The following ASB7 variants were observed in gnomAD, a reference collection of about 807,000 sequenced individuals.
ASB7 encodes the protein ankyrin repeat and SOCS box containing 7.
A neutral mutation model predicts 32.5 loss-of-function variants in ASB7; 4 were observed. The observed-to-expected ratio is 0.12, with a 90% CI of 0.06 to 0.28. The LOEUF (loss-of-function observed/expected upper bound fraction) is 0.28, where lower values mean the gene tolerates loss of function less well. Ranked by LOEUF, ASB7 falls within the 10% of genes least tolerant of loss-of-function variation. ASB7 has a pLI of 1.00. For synonymous variants in ASB7, 172 were observed against 155.6 expected (o/e 1.11, Z -0.78); for missense variants, 181 against 407.1 (o/e 0.44, Z 4.78).
At chr15:100,645,496 C>G in intron 5 of ASB7, 1 of 608,742 alleles carries the variant, frequency 1.6e-6, no homozygotes, top group Admixed American at 2.0e-5. Context: ...CTGTGTCTGT[C>G]TAGTCTGCTC....
At chr15:100,645,311 T>C (rs1200547026) in intron 5 of ASB7, 21 of 208,426 alleles carry the variant, frequency 1.0e-4, no homozygotes, top group Non-Finnish European at 9.7e-6. Context: ...GGTGAAAACT[T>C]TATATAAACT....
chr15:100,607,010 G>A (rs946631060), intron 2 of ASB7, among the ~76,000 whole-genome samples: 3 of 152,026 alleles, frequency 2.0e-5, no homozygotes, highest in African/African-American at 4.8e-5. Context: ...TGAATTAGCC[G>A]GGTGTGGTGG....
chr15:100,608,885 G>A (rs576287076), intron 2 of ASB7, among the ~76,000 whole-genome samples: 84 of 152,274 alleles, frequency 5.5e-4, no homozygotes, highest in Non-Finnish European at 1.1e-3. Context: ...TACAACTGCT[G>A]CGGGCCAGGT....
chr15:100,632,394 T>G (rs2039890809), intron 5 of ASB7, among the ~76,000 whole-genome samples: 1 of 152,194 alleles, frequency 6.6e-6, no homozygotes, highest in African/African-American at 2.4e-5. Flanking sequence ...TCCAGTGGTG[T>G]TTCCTGCCAA....
intron 5 of ASB7, chr15:100,646,045 T>C: frequency 4.8e-6 from 2 of 415,168 alleles, no homozygotes; most frequent in Admixed American, 3.2e-5. Flanking sequence ...TAGCATCTTA[T>C]CTCAGGAGCC....
chr15:100,626,553 A>G (rs1382149779), intron 4 of ASB7, among the ~76,000 whole-genome samples: 1 of 152,184 alleles, frequency 6.6e-6, no homozygotes, highest in Non-Finnish European at 1.5e-5. Context: ...TGCATTTCAC[A>G]TACGACCCAG....
intron 5 of ASB7, among the ~76,000 whole-genome samples, chr15:100,647,462 T>C (rs1488018087): frequency 6.6e-6 from 1 of 152,262 alleles, no homozygotes; most frequent in Non-Finnish European, 1.5e-5. Flanking sequence ...AAAACTTCCT[T>C]GACTCCAAAC....
chr15:100,646,515 G>T (rs1009585427), intron 5 of ASB7: 1 of 445,726 alleles, frequency 2.2e-6, no homozygotes, highest in East Asian at 5.8e-5. Flanking sequence ...CATATTTGTG[G>T]AACTCATTTC....
intron 4 of ASB7, among the ~76,000 whole-genome samples, chr15:100,627,986 G>A (rs969661878): frequency 2.6e-5 from 4 of 152,200 alleles, no homozygotes; most frequent in Non-Finnish European, 5.9e-5. Context: ...TGCCTTACCA[G>A]CAGATGGCAG....
Position 100,603,213 on chromosome 15 carries a change from A to G in ASB7, c.-272-2A>G, listed in dbSNP as rs1179606713. 5.3e-6 allele frequency: 2 copies of G among 375,498 alleles called. No individual in the cohort carries two copies. The highest frequency in any genetic ancestry group is 9.2e-6 in the Non-Finnish European group (2 of 216,256). 23.3% of individuals were successfully genotyped at this position (375,498 alleles called of 1,614,324 possible). A position where few individuals can be genotyped will look rare whatever the true frequency, so the allele number is the denominator to read the frequency against. ...ACCACTCACTGGTTTCTGTTTTTCTAGGTTTGAGCTGGCTGAAGAAGACGC... is the reference window on the plus strand; with the variant it reads ...ACCACTCACTGGTTTCTGTTTTTCTGGGTTTGAGCTGGCTGAAGAAGACGC... On this transcript the variant is annotated splice_acceptor_variant, in intron 1 of 5. Coordinates refer to ENST00000332783, the MANE Select transcript of ASB7 (RefSeq NM_198243.3). LOFTEE classifies it low-confidence loss of function (5UTR_SPLICE).
In ASB7 at chr15:100,648,840, G is replaced by A. The variant is rs1323923865; in HGVS notation, c.*378G>A. The A allele has an allele frequency of 1.9e-5, 3 of 155,334 alleles. No individual in the cohort carries two copies. Among genetic ancestry groups the A allele is most frequent in the African/African-American group, 7.2e-5 (3 of 41,522 alleles). 9.6% of individuals were successfully genotyped at this position (155,334 alleles called of 1,614,324 possible). On this transcript the variant is annotated 3_prime_UTR_variant, in exon 6 of 6. Coordinates refer to ENST00000332783, the MANE Select transcript of ASB7 (RefSeq NM_198243.3). ...GTAAGCACGGTATTCTAAACCAGCA[G>A]AGCACTTGTTAACGTTTGGAGGCAC... is the stretch of plus-strand genomic sequence containing the variant.
rs1268518613 is a variant in ASB7, at chr15:100,614,407, AAGACTTTTTAAT to A, written c.211+1983_211+1994del. On this transcript the variant is annotated intron_variant, in intron 4 of 5. Coordinates refer to ENST00000332783, the MANE Select transcript of ASB7 (RefSeq NM_198243.3). ...GTTTTTTATACAACTGTGTGACTTA[AAGACTTTTTAAT>A]AGCAGGAGTCTGCAAACTTGTTCTG... Among the ~76,000 whole-genome samples the A allele has an allele frequency of 3.9e-5, 6 of 152,338 alleles. No individual in the cohort carries two copies. The South Asian group carries it at 1.0e-3, about 26-fold the overall frequency.
chr15:100,616,799 G>C (rs2039747593), intron 4 of ASB7, among the ~76,000 whole-genome samples: 2 of 152,158 alleles, frequency 1.3e-5, no homozygotes, highest in Admixed American at 1.3e-4. Context: ...AACACCTACT[G>C]CCCACTTGCT....
At chr15:100,606,469 G>A (rs2039645908) in intron 2 of ASB7, among the ~76,000 whole-genome samples, 1 of 152,148 alleles carries the variant, frequency 6.6e-6, no homozygotes, top group South Asian at 2.1e-4. Flanking sequence ...GTCAAATTTG[G>A]TGAAGGTTTT....
At chr15:100,633,969 A>C (rs1203865772) in intron 5 of ASB7, among the ~76,000 whole-genome samples, 1 of 152,204 alleles carries the variant, frequency 6.6e-6, no homozygotes, top group Non-Finnish European at 1.5e-5. Context: ...TCAGGTGAAG[A>C]GCAGAAGGTT....
chr15:100,631,059 A>T (rs2039879574), intron 5 of ASB7, among the ~76,000 whole-genome samples: 1 of 152,228 alleles, frequency 6.6e-6, no homozygotes, highest in Non-Finnish European at 1.5e-5. Context: ...CATTTGCTTT[A>T]TGAAGAAACA....
chr15:100,617,355 G>A (rs554812371), intron 4 of ASB7, among the ~76,000 whole-genome samples: 1 of 152,142 alleles, frequency 6.6e-6, no homozygotes, highest in Non-Finnish European at 1.5e-5. Context: ...GCAGTGCCTG[G>A]CCCCTCTTAC....
intron 3 of ASB7, 125 bp from the exon 4 acceptor site, chr15:100,612,041 T>C (rs1296938935): frequency 9.6e-6 from 6 of 624,282 alleles, no homozygotes. Flanking sequence ...ACCCAGCTAG[T>C]AGTATGCACT....
At chr15:100,631,090 A>C (rs2141400879) in intron 5 of ASB7, among the ~76,000 whole-genome samples, 1 of 152,332 alleles carries the variant, frequency 6.6e-6, no homozygotes, top group East Asian at 1.9e-4. Flanking sequence ...TGAATTTTGC[A>C]GATTCATGGA....
Sources: gnomAD v4.1 joint callset for allele counts (sites outside exome capture counted in the v4.1 genomes callset) on GRCh38, gnomAD v4.1.1 for gene constraint, MANE v1.5 for transcripts, NCBI Gene and HGNC (gene_info 2026-07-23, HGNC 2026-07-21) for gene names.